SLC25A27: variants seen among roughly 807,000 people sequenced by gnomAD.
SLC25A27 encodes mitochondrial uncoupling protein 4.
A neutral mutation model predicts 49.1 loss-of-function variants in SLC25A27; 35 were observed. That is an observed-to-expected ratio of 0.71 (90% confidence interval 0.54 to 0.95). SLC25A27 has a LOEUF of 0.95. Among genes scored for constraint, SLC25A27 ranks in the 40% least tolerant of loss-of-function variants. SLC25A27 has a pLI of 0.00. For missense variants in SLC25A27, 339 were observed against 397.1 expected (o/e 0.85, Z 1.24); for synonymous variants, 144 against 136.9 (o/e 1.05, Z -0.36).
rs539035303 is a variant in SLC25A27 at position 46,662,102 on chromosome 6, T to A, written c.384-274T>A. ...TAGTTGGAATTAAACTACAATTAAATTATCAATTCAGATGTGTGTATCTTT... is the reference window on the plus strand; with the variant it reads ...TAGTTGGAATTAAACTACAATTAAAATATCAATTCAGATGTGTGTATCTTT... On this transcript the variant is annotated intron_variant, in intron 3 of 8. Coordinates refer to ENST00000371347, the MANE Select transcript of SLC25A27 (RefSeq NM_004277.5). 3.9e-5 allele frequency among the ~76,000 whole-genome samples: 6 copies of A among 152,304 alleles called. No individual in the cohort carries two copies. In the East Asian group the frequency reaches 1.2e-3, roughly 29 times the overall value.
In SLC25A27 at chr6:46,658,996, T is replaced by A; in HGVS notation, c.333T>A (p.His111Gln). 6.2e-7 allele frequency: 1 copy of A among 1,613,880 alleles called. No individual in the cohort carries two copies. The highest frequency in any genetic ancestry group is 8.5e-7 in the Non-Finnish European group (1 of 1,179,848). Residue 111 changes from histidine (H) to glutamine (Q), a missense_variant, in exon 3 of 9, where the codon CAT (histidine) becomes CAA (glutamine). Physicochemically the swap from His to Gln is conservative, Grantham distance 24. Transcript: ENST00000371347. ...GAGGTCGAATGGTCACATATGAACA[T>A]CTCCGAGAGGTTGTGTTTGGCAAAA... The part of the protein sequence containing the change: ...YSGGRMVTYE[H>Q]LREVVFGKSE...
At chr6:46,675,792 T>C (rs560956000) in intron 8 of SLC25A27, among the ~76,000 whole-genome samples, 1 of 152,192 alleles carries the variant, frequency 6.6e-6, no homozygotes, top group Non-Finnish European at 1.5e-5. Flanking sequence ...CATACCTTCA[T>C]TCAAGTTAAA....
At chr6:46,674,837 T>C (rs1751205451) in intron 8 of SLC25A27, among the ~76,000 whole-genome samples, 1 of 152,158 alleles carries the variant, frequency 6.6e-6, no homozygotes, top group African/African-American at 2.4e-5. Flanking sequence ...AGCTTATTTG[T>C]AAACTTAATC....
chr6:46,663,586 T>A (rs1490431721), intron 4 of SLC25A27, among the ~76,000 whole-genome samples: 1 of 152,182 alleles, frequency 6.6e-6, no homozygotes, highest in Non-Finnish European at 1.5e-5. Context: ...AGAAAACTGG[T>A]TATTAGGATC....
chr6:46,660,629 AAC>A (rs544623296), intron 3 of SLC25A27, among the ~76,000 whole-genome samples: 247 of 152,314 alleles, frequency 1.6e-3, no homozygotes, highest in African/African-American at 5.7e-3. Context: ...TTTATGGCAT[AAC>A]ACAGCTATTG....
Position 46,656,659 on chromosome 6 carries a change from T to C in SLC25A27, c.298+625T>C, listed in dbSNP as rs1762990775. 2.0e-5 allele frequency among the ~76,000 whole-genome samples: 3 copies of C among 152,180 alleles called. No homozygotes were observed. In the South Asian group the frequency reaches 6.2e-4, roughly 32 times the overall value. On this transcript the variant is annotated intron_variant, in intron 2 of 8. Coordinates refer to ENST00000371347, the MANE Select transcript of SLC25A27 (RefSeq NM_004277.5). The stretch of plus-strand genomic sequence containing the variant: ...GTCCCAAACTCCTGACCTCAGGTGA[T>C]CCACCTGACTTGGCCTCCCAAAGTG...
At chr6:46,654,112 C>G (rs1762881267) in intron 1 of SLC25A27, 1 of 985,072 alleles carries the variant, frequency 1.0e-6, no homozygotes, top group South Asian at 4.7e-5. Context: ...CTTGAATGAG[C>G]AAGTAGCGTT....
rs1301960144 is a variant in SLC25A27 at position 46,655,831 on chromosome 6, T to G, written c.107-12T>G. The G allele has an allele frequency of 6.2e-7, 1 of 1,610,178 alleles. No individual in the cohort carries two copies. The highest frequency in any genetic ancestry group is 1.3e-5 in the African/African-American group (1 of 74,798). ...TGTTGTGGGTTTTTCCCTGCATTTG[T>G]GTTTTTGTTAGCAACCTTTCCCCTG... is the stretch of plus-strand genomic sequence containing the variant. On this transcript the variant is annotated splice_polypyrimidine_tract_variant and intron_variant, in intron 1 of 8. Coordinates refer to ENST00000371347, the MANE Select transcript of SLC25A27 (RefSeq NM_004277.5).
chr6:46,669,775 CCT>C (rs937084162), intron 6 of SLC25A27, among the ~76,000 whole-genome samples: 5 of 152,100 alleles, frequency 3.3e-5, no homozygotes, highest in Non-Finnish European at 7.3e-5. Flanking sequence ...CCAGTTGCTC[CCT>C]GTCACACTTC....
chr6:46,654,148 T>C, intron 1 of SLC25A27: 8 of 984,116 alleles, frequency 8.1e-6, no homozygotes, highest in Non-Finnish European at 9.7e-6. Flanking sequence ...GTGAGTAGTA[T>C]ACTCATGTGT....
rs1010046655 is a variant in SLC25A27, at chr6:46,655,984, G to A, written c.248G>A (p.Gly83Asp). Residue 83 changes from glycine (G) to aspartate (D), a missense_variant, in exon 2 of 9, where the codon GGC (glycine) becomes GAC (aspartate). Gly to Asp is a moderately conservative substitution (Grantham distance 94). Transcript: ENST00000371347. ...RTALGIIEEE[G>D]FLKLWQGVTP... ...GCTCTAGGGATCATTGAAGAGGAAG[G>A]CTTTCTAAAGCTTTGGCAAGGAGTG... 6.8e-6 allele frequency: 11 copies of A among 1,611,990 alleles called. No homozygotes were observed. The African/African-American group carries it at 1.5e-4, about 22-fold the overall frequency.
intron 2 of SLC25A27, among the ~76,000 whole-genome samples, chr6:46,658,233 G>T (rs1395959033): frequency 6.6e-6 from 1 of 152,154 alleles, no homozygotes; most frequent in African/African-American, 2.4e-5. Context: ...TTTCCAAGTT[G>T]TATATTTTTG....
chr6:46,659,911 A>G (rs973288378), intron 3 of SLC25A27, among the ~76,000 whole-genome samples: 3 of 150,478 alleles, frequency 2.0e-5, no homozygotes, highest in Non-Finnish European at 4.4e-5. Context: ...ATATATATAA[A>G]ATTATATAAC....
chr6:46,658,924 T>G (rs200124772), intron 2 of SLC25A27, 38 bp from the exon 3 acceptor site: 2 of 1,386,350 alleles, frequency 1.4e-6, no homozygotes, highest in Non-Finnish European at 2.1e-6. Context: ...TAGATACATA[T>G]AGCCAAAGTT....
At chr6:46,656,293 G>C (rs1394729802) in intron 2 of SLC25A27, among the ~76,000 whole-genome samples, 1 of 150,768 alleles carries the variant, frequency 6.6e-6, no homozygotes, top group Admixed American at 6.6e-5. Flanking sequence ...CGATTCTCCT[G>C]ACTCAGCCTC....
chr6:46,671,492 T>C (rs911912190), intron 8 of SLC25A27, among the ~76,000 whole-genome samples: 1 of 152,120 alleles, frequency 6.6e-6, no homozygotes, highest in Non-Finnish European at 1.5e-5. Context: ...AAATAGATTT[T>C]CTGTAATGTA....
In SLC25A27 at chr6:46,661,296, T is replaced by TGCACA. The variant is rs1022291457; in HGVS notation, c.384-1079_384-1078insCACAG. 1.0e-3 allele frequency among the ~76,000 whole-genome samples: 157 copies of TGCACA among 152,260 alleles called. 1 individual carries two copies. The highest frequency in any genetic ancestry group is 3.5e-3 in the African/African-American group (144 of 41,556). ...AACAGGCATTTTCACAGGTTGTTGG[T>TGCACA]GGAAGTGCAAATTGATAAAGGTTTT... is the stretch of plus-strand genomic sequence containing the variant. On this transcript the variant is annotated intron_variant, in intron 3 of 8. Coordinates refer to ENST00000371347, the MANE Select transcript of SLC25A27 (RefSeq NM_004277.5).
intron 8 of SLC25A27, among the ~76,000 whole-genome samples, chr6:46,675,619 A>G (rs1763748058): frequency 6.6e-6 from 1 of 152,168 alleles, no homozygotes; most frequent in Admixed American, 6.6e-5. Flanking sequence ...TCTCTGTTCA[A>G]TTTTGATTAG....
intron 2 of SLC25A27, among the ~76,000 whole-genome samples, chr6:46,656,973 C>G (rs1160085358): frequency 6.6e-6 from 1 of 152,120 alleles, no homozygotes; most frequent in Non-Finnish European, 1.5e-5. Flanking sequence ...CGAGACCAGC[C>G]TGAGCAAGAT....
Sources: allele counts gnomAD v4.1 joint callset (sites outside exome capture counted in the v4.1 genomes callset), GRCh38; gene constraint gnomAD v4.1.1; transcripts MANE v1.5; gene names NCBI Gene and HGNC (gene_info 2026-07-23, HGNC 2026-07-21).